Variants in CORIN observed in about 807,000 individuals in gnomAD.
CORIN encodes corin, serine peptidase.
CORIN carries 117 observed loss-of-function variants against 125.3 expected under a neutral mutation model. That is an observed-to-expected ratio of 0.93 (90% CI 0.80 to 1.09). CORIN has a LOEUF of 1.09. Ranked by LOEUF, CORIN falls within the 50% of genes least tolerant of loss-of-function variation. The pLI is 0.00. For synonymous variants in CORIN, 450 were observed against 466.4 expected, an observed-to-expected ratio of 0.96 and a Z score of 0.45; for missense variants, 1,253 against 1,306.7, an observed-to-expected ratio of 0.96 and a Z score of 0.63.
At chr4:47,777,637 A>G (rs1472641537) in intron 3 of CORIN, among the ~76,000 whole-genome samples, 1 of 152,208 alleles carries the variant, frequency 6.6e-6, no homozygotes, top group African/African-American at 2.4e-5. Flanking sequence ...TCTCAAAAAC[A>G]GAAATTCAAA....
chr4:47,767,162 A>G (rs140509041), intron 3 of CORIN, among the ~76,000 whole-genome samples: 2 of 152,250 alleles, frequency 1.3e-5, no homozygotes, highest in Non-Finnish European at 2.9e-5. Flanking sequence ...GAAATTTTGA[A>G]GTTTGTGGAA....
chr4:47,689,296 T>A (rs1725663443), intron 6 of CORIN, among the ~76,000 whole-genome samples: 1 of 152,178 alleles, frequency 6.6e-6, no homozygotes, highest in Non-Finnish European at 1.5e-5. Context: ...CTGAACAATT[T>A]GAGAGATATT....
intron 4 of CORIN, among the ~76,000 whole-genome samples, chr4:47,750,297 T>C (rs906424631): frequency 6.6e-6 from 1 of 152,172 alleles, no homozygotes; most frequent in Non-Finnish European, 1.5e-5. Context: ...AATTTTTACA[T>C]GTGTCATTGT....
intron 17 of CORIN, among the ~76,000 whole-genome samples, chr4:47,625,932 C>T: frequency 6.6e-6 from 1 of 151,356 alleles, no homozygotes; most frequent in South Asian, 2.1e-4. Flanking sequence ...AGGGAAGCAA[C>T]CCTGTTTAAG....
At chr4:47,836,556 T>C (rs1294068202) in intron 1 of CORIN, among the ~76,000 whole-genome samples, 3 of 152,332 alleles carry the variant, frequency 2.0e-5, no homozygotes, top group Middle Eastern at 3.4e-3. Flanking sequence ...CAATTGTGCC[T>C]ATGTCAGTCA....
At chr4:47,712,091 T>C (rs776379351) in intron 5 of CORIN, among the ~76,000 whole-genome samples, 2 of 152,246 alleles carry the variant, frequency 1.3e-5, no homozygotes, top group Non-Finnish European at 2.9e-5. Context: ...TGAAGATTAA[T>C]TGAGATAATA....
chr4:47,623,096 C>CTCTCTCTCTCTATATATA (rs771867590), intron 19 of CORIN, among the ~76,000 whole-genome samples: 49 of 102,282 alleles, frequency 4.8e-4, no homozygotes, highest in African/African-American at 1.6e-3. Context: ...CTCTCTCTCT[C>CTCTCTCTCTCTATATATA]TATATATATA....
intron 3 of CORIN, among the ~76,000 whole-genome samples, chr4:47,765,409 G>C (rs1729687577): frequency 6.6e-6 from 1 of 151,206 alleles, no homozygotes; most frequent in Non-Finnish European, 1.5e-5. Context: ...ACTATATGTT[G>C]TACTGGGATT....
chr4:47,758,057 G>A (rs1729268269), intron 4 of CORIN, among the ~76,000 whole-genome samples: 1 of 151,590 alleles, frequency 6.6e-6, no homozygotes, highest in Non-Finnish European at 1.5e-5. Context: ...GGGACTACAG[G>A]CGCCTGCCAC....
At chr4:47,617,102 A>C (rs543788198) in intron 19 of CORIN, among the ~76,000 whole-genome samples, 1 of 152,312 alleles carries the variant, frequency 6.6e-6, no homozygotes, top group South Asian at 2.1e-4. Flanking sequence ...ATAAGGTGAG[A>C]TCAGTAAAGG....
At chr4:47,699,218 C>T (rs1437925930) in intron 5 of CORIN, among the ~76,000 whole-genome samples, 1 of 152,176 alleles carries the variant, frequency 6.6e-6, no homozygotes, top group Non-Finnish European at 1.5e-5. Flanking sequence ...CAAGAATATA[C>T]TTACAATCTA....
chr4:47,708,839 G>A (rs1253325960), intron 5 of CORIN, among the ~76,000 whole-genome samples: 1 of 152,180 alleles, frequency 6.6e-6, no homozygotes, highest in African/African-American at 2.4e-5. Context: ...GGCCATGCAA[G>A]ATCAGTGGGA....
chr4:47,690,349 T>C (rs1725711989), intron 6 of CORIN, among the ~76,000 whole-genome samples: 1 of 152,188 alleles, frequency 6.6e-6, no homozygotes, highest in African/African-American at 2.4e-5. Flanking sequence ...GCTCTGTCTC[T>C]GCACCTGTAC....
At chr4:47,779,480 A>G (rs1730443960) in intron 3 of CORIN, among the ~76,000 whole-genome samples, 1 of 147,344 alleles carries the variant, frequency 6.8e-6, no homozygotes, top group Admixed American at 6.9e-5. Flanking sequence ...TGTTTCACCC[A>G]GGCTGGAGTG....
At chr4:47,763,706 C>T (rs1181434791) in intron 3 of CORIN, 120 bp from the exon 4 acceptor site, 2 of 725,768 alleles carry the variant, frequency 2.8e-6, no homozygotes, top group African/African-American at 3.5e-5. Context: ...TTTAGATATG[C>T]AATCATACAC....
chr4:47,758,813 A>G (rs541722883), intron 4 of CORIN, among the ~76,000 whole-genome samples: 1 of 152,322 alleles, frequency 6.6e-6, no homozygotes, highest in South Asian at 2.1e-4. Flanking sequence ...CCATCATGTG[A>G]AGAAGGATGT....
rs1428699519 is a variant in CORIN, at chr4:47,641,944, A to G, written c.2174T>C (p.Leu725Pro). ...ADGWQEILSQ[L>P]ACKQMGLGEP... is the part of the protein sequence containing the mutation. ...CCCTAAACCCATCTGCTTGCAGGCC[A>G]GCTGACTCAATATCTCCTGCCAGCC... The change falls in exon 16 of 22, where the codon CTG becomes CCG. Residue 725 changes from leucine to proline, a missense_variant. Leu to Pro is a moderately conservative substitution (Grantham distance 98). Coordinates refer to ENST00000273857, the MANE Select transcript of CORIN (RefSeq NM_006587.4). 6.2e-7 allele frequency: 1 copy of G among 1,613,574 alleles called. No individual in the cohort carries two copies. The highest frequency in any genetic ancestry group is 8.5e-7 in the Non-Finnish European group (1 of 1,179,610).
intron 6 of CORIN, among the ~76,000 whole-genome samples, chr4:47,687,351 C>A (rs1483963184): frequency 1.3e-5 from 2 of 152,148 alleles, no homozygotes; most frequent in Non-Finnish European, 2.9e-5. Flanking sequence ...GTTGTCAGTG[C>A]AATTTGGGGC....
At chr4:47,798,262 G>A (rs1284094333) in intron 2 of CORIN, among the ~76,000 whole-genome samples, 1 of 152,152 alleles carries the variant, frequency 6.6e-6, no homozygotes, top group African/African-American at 2.4e-5. Context: ...CTTTTTGCAT[G>A]AGGGAAACCA....
Sources: allele counts gnomAD v4.1 joint callset (sites outside exome capture counted in the v4.1 genomes callset), GRCh38; gene constraint gnomAD v4.1.1; transcripts MANE v1.5; gene names NCBI Gene and HGNC (gene_info 2026-07-23, HGNC 2026-07-21).